The following DGKH variants were observed in gnomAD, a reference collection of about 807,000 sequenced individuals.
DGKH encodes the protein diacylglycerol kinase eta.
In DGKH, 90 loss-of-function variants were observed where a neutral mutation model predicts 159.3. The ratio of observed to expected loss-of-function variants is 0.57; its 90% confidence interval spans 0.48 to 0.67. The LOEUF is 0.67. Among genes scored for constraint, DGKH ranks in the 30% least tolerant of loss-of-function variants. The pLI is 0.00. For missense variants in DGKH, 1,181 were observed against 1,506.1 expected (o/e 0.78, Z 3.57); for synonymous variants, 536 against 553.8 (o/e 0.97, Z 0.45).
chr13:42,251,828 A>G (rs1490749999), intron 29 of DGKH, among the ~76,000 whole-genome samples: 1 of 152,182 alleles, frequency 6.6e-6, no homozygotes, highest in Non-Finnish European at 1.5e-5. Context: ...TGTTCCCATT[A>G]CATACCCCCC....
intron 1 of DGKH, among the ~76,000 whole-genome samples, chr13:42,064,219 G>A (rs1882396954): frequency 2.0e-5 from 3 of 152,130 alleles, no homozygotes; most frequent in Non-Finnish European, 4.4e-5. Flanking sequence ...ATGAAGTTAG[G>A]TCGTCAGCTG....
intron 1 of DGKH, among the ~76,000 whole-genome samples, chr13:42,093,808 C>T (rs1280502721): frequency 6.6e-6 from 1 of 152,024 alleles, no homozygotes; most frequent in Non-Finnish European, 1.5e-5. Context: ...CTCGAGTAGT[C>T]GAACTTACAA....
At position 42,125,232 on chromosome 13, in the gene DGKH, C is replaced by A. The variant is rs528847363; in HGVS notation, c.193-2231C>A. ...CTACTCCAGCTGTTATTTGTCCTGA[C>A]AGTGGCTGCAAACACTTATTTACTT... is the stretch of plus-strand genomic sequence containing the variant. On this transcript the variant is annotated intron_variant, in intron 1 of 29. Transcript: ENST00000337343. Among the ~76,000 whole-genome samples, 33 of 152,314 alleles carry A rather than the reference C, an allele frequency of 2.2e-4. 1 individual carries two copies. The highest frequency in any genetic ancestry group is 7.5e-4 in the African/African-American group (31 of 41,574).
chr13:42,167,133 T>C (rs1046464235), intron 9 of DGKH, among the ~76,000 whole-genome samples: 1 of 152,216 alleles, frequency 6.6e-6, no homozygotes, highest in Non-Finnish European at 1.5e-5. Context: ...AAATACTTTA[T>C]TGATGATTCT....
At chr13:42,121,731 C>T (rs532107213) in intron 1 of DGKH, among the ~76,000 whole-genome samples, 4 of 152,308 alleles carry the variant, frequency 2.6e-5, no homozygotes, top group African/African-American at 9.6e-5. Flanking sequence ...ACACATGAGA[C>T]TATAGCATGG....
upstream of DGKH, among the ~76,000 whole-genome samples, chr13:42,047,807 G>C (rs905794839): frequency 1.3e-5 from 2 of 152,104 alleles, no homozygotes; most frequent in African/African-American, 2.4e-5. Flanking sequence ...CGAGTGTATT[G>C]TTTTCTTCCA....
Position 42,207,057 on chromosome 13 carries a change from C to CTTT in DGKH, c.2601+911_2601+912insTTT, listed in dbSNP as rs1566192006. ...TCTTTCTTTCCTTCTTTCCTTCTTT[C>CTTT]CTTCCTTCTTTCTTTCTTTCTTTCT... On this transcript the variant is annotated intron_variant, in intron 21 of 29. Coordinates refer to ENST00000337343, the MANE Select transcript of DGKH (RefSeq NM_178009.5). Among the ~76,000 whole-genome samples, 24 of 51,268 alleles carry CTTT rather than the reference C, an allele frequency of 4.7e-4. 1 individual carries two copies. The highest frequency in any genetic ancestry group is 1.9e-3 in the Admixed American group (8 of 4,118). 33.6% of individuals were successfully genotyped at this position (51,268 alleles called of 152,430 possible).
intron 1 of DGKH, among the ~76,000 whole-genome samples, chr13:42,057,174 A>C (rs527439504): frequency 5.1e-4 from 78 of 152,308 alleles, no homozygotes; most frequent in African/African-American, 1.8e-3. Context: ...TGTTAGTTTC[A>C]CTTCTATAAG....
chr13:42,117,126 TC>T (rs1235378835), intron 1 of DGKH, among the ~76,000 whole-genome samples: 1 of 152,198 alleles, frequency 6.6e-6, no homozygotes, highest in African/African-American at 2.4e-5. Flanking sequence ...AGTTAATGCC[TC>T]ATCCTAGAAT....
intron 7 of DGKH, among the ~76,000 whole-genome samples, chr13:42,162,397 C>G (rs894471271): frequency 6.6e-6 from 1 of 152,164 alleles, no homozygotes; most frequent in Non-Finnish European, 1.5e-5. Flanking sequence ...CCTGTAATCC[C>G]AGCTACTTGG....
intron 1 of DGKH, among the ~76,000 whole-genome samples, chr13:42,126,747 C>T (rs1955178687): frequency 6.6e-6 from 1 of 152,072 alleles, no homozygotes; most frequent in Non-Finnish European, 1.5e-5. Flanking sequence ...CCTAAAATGC[C>T]CTTCCCCCAT....
intron 1 of DGKH, among the ~76,000 whole-genome samples, chr13:42,088,128 C>T (rs935387131): frequency 2.0e-5 from 3 of 151,958 alleles, no homozygotes; most frequent in Non-Finnish European, 4.4e-5. Context: ...TTTTAAATGG[C>T]TAAAAGAAAA....
At chr13:42,202,673 T>C (rs755097555) in intron 20 of DGKH, among the ~76,000 whole-genome samples, 3 of 152,234 alleles carry the variant, frequency 2.0e-5, no homozygotes, top group Non-Finnish European at 2.9e-5. Context: ...GATTCTGATA[T>C]ATACTCAACT....
chr13:42,052,710 G>A (rs1247571175), intron 1 of DGKH, among the ~76,000 whole-genome samples: 1 of 152,206 alleles, frequency 6.6e-6, no homozygotes, highest in Non-Finnish European at 1.5e-5. Flanking sequence ...TGTGTTTTTT[G>A]TTGGCCCATG....
chr13:42,069,954 C>T (rs1882846449), intron 1 of DGKH: 2 of 734,884 alleles, frequency 2.7e-6, no homozygotes, highest in East Asian at 4.9e-5. Context: ...TTGGATTAAG[C>T]TGAACTTCAT....
chr13:42,192,809 T>G (rs1200184339), intron 16 of DGKH, among the ~76,000 whole-genome samples: 1 of 152,160 alleles, frequency 6.6e-6, no homozygotes. Flanking sequence ...AACCTTTTGT[T>G]TTCCTTGTTG....
At chr13:42,082,930 G>A (rs1954226942) in intron 1 of DGKH, among the ~76,000 whole-genome samples, 1 of 152,212 alleles carries the variant, frequency 6.6e-6, no homozygotes, top group African/African-American at 2.4e-5. Context: ...ATTGAAGAAT[G>A]TGAATAATAG....
chr13:42,151,301 G>A (rs1454258290), intron 3 of DGKH, among the ~76,000 whole-genome samples: 2 of 151,790 alleles, frequency 1.3e-5, no homozygotes, highest in East Asian at 3.9e-4. Flanking sequence ...AGTCTCCAGT[G>A]TCCATTATTC....
In DGKH at chr13:42,135,507, A is replaced by AAAAAAAAG. The variant is rs71096557; in HGVS notation, c.384+5876_384+5877insAAAAAAGA. Among the ~76,000 whole-genome samples, 369 of 113,344 alleles carry AAAAAAAAG rather than the reference A, an allele frequency of 3.3e-3. 6 individuals carry two copies. Among genetic ancestry groups the AAAAAAAAG allele is most frequent in the African/African-American group, 0.01 (358 of 35,154 alleles). The allele number at this position is 113,344 out of a possible 152,430, so 74.4% of individuals were successfully genotyped here. On this transcript the variant is annotated intron_variant, in intron 3 of 29. Coordinates refer to ENST00000337343, the MANE Select transcript of DGKH (RefSeq NM_178009.5). Reference sequence around the variant, plus strand: ...CCTGTCTCAGAAAAAAAAAAAAAAAAAGAGAGAGAGAGAAAAAGAAAAAAA... The same window carrying AAAAAAAAG: ...CCTGTCTCAGAAAAAAAAAAAAAAAAAAAAAAAGAGAGAGAGAGAGAAAAAGAAAAAAA...
Sources: gnomAD v4.1 joint callset for allele counts (sites outside exome capture counted in the v4.1 genomes callset) on GRCh38, gnomAD v4.1.1 for gene constraint, MANE v1.5 for transcripts, NCBI Gene and HGNC (gene_info 2026-07-23, HGNC 2026-07-21) for gene names.